RMP64: variants seen among roughly 807,000 people sequenced by gnomAD.
RMP64 encodes ribonuclease MRP subunit p64, also known as nucleolus and neural progenitor protein.
At chr3:113,004,687 G>C in the RMP64 span, 1 of 152,190 alleles carries the variant, frequency 6.6e-6, no homozygotes, top group Non-Finnish European at 1.5e-5. Flanking sequence ...CAGAGCAACA[G>C]TACGAGCAAC....
chr3:113,008,370 GAGA>G, the RMP64 span: 1 of 1,613,236 alleles, frequency 6.2e-7, no homozygotes, highest in Non-Finnish European at 8.5e-7. Context: ...ATCACTTTCT[GAGA>G]AGAATACTTG....
the RMP64 span, among the ~76,000 whole-genome samples, chr3:113,015,498 T>C: frequency 1.3e-5 from 2 of 152,178 alleles, no homozygotes; most frequent in Admixed American, 1.3e-4. Context: ...TTTTTACTAC[T>C]AGATTTTTAG....
the RMP64 span, chr3:113,008,307 A>T: frequency 2.5e-6 from 4 of 1,614,044 alleles, no homozygotes; most frequent in Non-Finnish European, 3.4e-6. Flanking sequence ...AGTTGTGTGA[A>T]GGACTCAGCC....
the RMP64 span, chr3:113,008,805 G>A: frequency 5.7e-6 from 1 of 176,458 alleles, no homozygotes; most frequent in African/African-American, 2.4e-5. Context: ...CCCATCTGCA[G>A]CTGAATTAGA....
chr3:113,011,303 CTT>C, the RMP64 span: 1 of 1,613,620 alleles, frequency 6.2e-7, no homozygotes, highest in Non-Finnish European at 8.5e-7. Flanking sequence ...AAGGTAAAAT[CTT>C]TGAAGTAAGG....
At chr3:113,013,663 G>C in the RMP64 span, among the ~76,000 whole-genome samples, 1 of 152,032 alleles carries the variant, frequency 6.6e-6, no homozygotes, top group East Asian at 1.9e-4. Flanking sequence ...CAGTTTTCAA[G>C]TGAAGACTTG....
At chr3:113,005,387 T>A in the RMP64 span, 1 of 609,950 alleles carries the variant, frequency 1.6e-6, no homozygotes, top group Non-Finnish European at 2.9e-6. Flanking sequence ...ACTTTAAATG[T>A]AGACTGAACT....
chr3:113,015,859 T>TAA, the RMP64 span, among the ~76,000 whole-genome samples: 9 of 107,554 alleles, frequency 8.4e-5, no homozygotes, highest in East Asian at 2.7e-4. Context: ...GCCAAGAATT[T>TAA]AAAAAAAAAA....
At chr3:113,008,363 A>G in the RMP64 span, 66 of 1,613,360 alleles carry the variant, frequency 4.1e-5, no homozygotes, top group Non-Finnish European at 5.5e-5. Context: ...AGTTCCTATC[A>G]CTTTCTGAGA....
the RMP64 span, chr3:113,005,211 T>G: frequency 2.6e-5 from 8 of 308,756 alleles, no homozygotes; most frequent in Non-Finnish European, 4.3e-5. Context: ...ATTATTAAAT[T>G]GCCTAGTAAG....
the RMP64 span, among the ~76,000 whole-genome samples, chr3:113,015,476 CAT>C: frequency 6.6e-6 from 1 of 152,148 alleles, no homozygotes; most frequent in Non-Finnish European, 1.5e-5. Flanking sequence ...AAATATTTTA[CAT>C]GTCTTCCTAT....
chr3:113,005,970 T>C, the RMP64 span: 657 of 1,613,370 alleles, frequency 4.1e-4, 1 homozygote, highest in Non-Finnish European at 5.2e-4. Context: ...TGGTTGCAAA[T>C]AGACGTTTTT....
the RMP64 span, among the ~76,000 whole-genome samples, chr3:113,009,199 T>C: frequency 1.3e-5 from 2 of 152,150 alleles, no homozygotes; most frequent in Admixed American, 6.6e-5. Flanking sequence ...TCTTTCTATA[T>C]CAAGTCACAT....
chr3:113,012,180 T>G, the RMP64 span, among the ~76,000 whole-genome samples: 2 of 152,112 alleles, frequency 1.3e-5, no homozygotes, highest in African/African-American at 4.8e-5. Flanking sequence ...ATACATCAAC[T>G]AAATATGCTC....
chr3:113,019,462 A>G, the RMP64 span: 1 of 1,189,608 alleles, frequency 8.4e-7, no homozygotes, highest in Non-Finnish European at 1.2e-6. Context: ...TCCCGGTACC[A>G]CCCCCGCCCA....
the RMP64 span, chr3:113,002,813 A>C: frequency 1.3e-5 from 2 of 153,104 alleles, no homozygotes; most frequent in African/African-American, 4.8e-5. Context: ...TGAGGAGGGG[A>C]TGGGGTGGCC....
the RMP64 span, among the ~76,000 whole-genome samples, chr3:113,018,250 C>T: frequency 6.6e-6 from 1 of 152,202 alleles, no homozygotes; most frequent in Admixed American, 6.5e-5. Flanking sequence ...CACTAGCATT[C>T]TAAATGGAAG....
chr3:113,011,258 A>G, the RMP64 span: 2 of 1,613,592 alleles, frequency 1.2e-6, no homozygotes, highest in African/African-American at 2.7e-5. Flanking sequence ...GCTTCAAAAT[A>G]TGGCTGTCCT....
the RMP64 span, chr3:113,019,667 G>A: frequency 1.2e-6 from 2 of 1,600,582 alleles, no homozygotes; most frequent in South Asian, 1.1e-5. Context: ...GGGGACTTAC[G>A]AAAGGCGGAG....
Sources: gnomAD v4.1 joint callset for allele counts (sites outside exome capture counted in the v4.1 genomes callset) on GRCh38, gnomAD v4.1.1 for gene constraint, MANE v1.5 for transcripts, NCBI Gene and HGNC (gene_info 2026-07-23, HGNC 2026-07-21) for gene names.